MAEA: variants seen among roughly 807,000 people sequenced by gnomAD.
The protein encoded by MAEA is macrophage erythroblast attacher, E3 ubiquitin ligase.
Under a neutral mutation model 46.2 loss-of-function variants are expected in MAEA, and 22 were observed. The ratio of observed to expected loss-of-function variants is 0.48; its 90% CI spans 0.34 to 0.68. MAEA has a LOEUF of 0.68. MAEA is among the 30% of genes least tolerant of loss of function. MAEA has a pLI of 0.01. For synonymous variants in MAEA, 246 were observed against 222.6 expected (o/e 1.11, Z -0.94); for missense variants, 393 against 558.1 (o/e 0.70, Z 2.98).
chr4:1,314,686 G>A (rs893457433), intron 2 of MAEA, among the ~76,000 whole-genome samples: 12 of 152,186 alleles, frequency 7.9e-5, no homozygotes, highest in South Asian at 2.1e-4. Context: ...GGATTTTCCC[G>A]TGGTGGAACT....
chr4:1,338,701 CAGGCTG>C, intron 8 of MAEA, 84 bp downstream of exon 8: 1 of 1,327,364 alleles, frequency 7.5e-7, no homozygotes, highest in Non-Finnish European at 1.0e-6. Flanking sequence ...GCAGGGGGGC[CAGGCTG>C]GCACGCATCG....
chr4:1,326,199 C>T (rs376449659), intron 4 of MAEA, among the ~76,000 whole-genome samples: 1 of 152,172 alleles, frequency 6.6e-6, no homozygotes, highest in African/African-American at 2.4e-5. Flanking sequence ...CTCTGGGAAG[C>T]GGAAGTGATG....
intron 1 of MAEA, among the ~76,000 whole-genome samples, chr4:1,294,410 A>ATT (rs147695654): frequency 0.065 from 9,845 of 152,020 alleles, 1,019 homozygotes; most frequent in African/African-American, 0.22. Context: ...TTTAAGTATT[A>ATT]TTTTTTTAAC....
Position 1,338,462 on chromosome 4 carries a change from T to G in MAEA, c.940T>G (p.Cys314Gly). The G allele has an allele frequency of 6.2e-7, 1 of 1,613,116 alleles. No individual in the cohort carries two copies. Among genetic ancestry groups the G allele is most frequent in the Non-Finnish European group, 8.5e-7 (1 of 1,179,966 alleles). Residue 314 changes from cysteine to glycine, a missense_variant, in exon 8 of 9, where the codon TGC (cysteine) becomes GGC (glycine). By Grantham distance (159) the Cys-to-Gly change is radical. Transcript: ENST00000303400. ...GGACGGCAGCTCCAAGAGCCCTGACTGCCCTGTGTGCAGCCGCTCCCTGAA... is the reference window on the plus strand; with the variant it reads ...GGACGGCAGCTCCAAGAGCCCTGACGGCCCTGTGTGCAGCCGCTCCCTGAA... The part of the protein sequence containing the change: ...KEDGSSKSPD[C>G]PVCSRSLNKL...
chr4:1,313,562 C>G (rs1295587069), intron 2 of MAEA, among the ~76,000 whole-genome samples: 2 of 152,012 alleles, frequency 1.3e-5, no homozygotes, highest in African/African-American at 4.8e-5. Context: ...CCCATCTCCA[C>G]AAAACATTAA....
In MAEA at chr4:1,315,583, C is replaced by T. The variant is rs550232745; in HGVS notation, c.439C>T (p.Arg147Cys). 71 of 1,613,146 alleles carry T rather than the reference C, an allele frequency of 4.4e-5. No homozygotes were observed. The highest frequency in any genetic ancestry group is 2.0e-4 in the East Asian group (9 of 44,868). Residue 147 changes from arginine (R) to cysteine (C), a missense_variant, in exon 3 of 9, where the codon CGC becomes TGC. Transcript: ENST00000303400. ...GYYNTAVKLA[R>C]QSGIEDLVNI... Reference sequence around the variant, plus strand: ...CTACAACACGGCTGTCAAGCTGGCGCGCCAGAGCGGCATCGAGGTGGGTGC... The same window carrying T: ...CTACAACACGGCTGTCAAGCTGGCGTGCCAGAGCGGCATCGAGGTGGGTGC...
chr4:1,315,119 A>G (rs1421129842), intron 2 of MAEA, among the ~76,000 whole-genome samples: 1 of 152,246 alleles, frequency 6.6e-6, no homozygotes, highest in Admixed American at 6.5e-5. Flanking sequence ...TTGAAATTGT[A>G]TGCATCTGGC....
At chr4:1,310,099 GC>G in intron 1 of MAEA, 1 of 854,616 alleles carries the variant, frequency 1.2e-6, no homozygotes, top group Non-Finnish European at 1.4e-6. Flanking sequence ...CTTGTGAGGC[GC>G]CTGCACAGGC....
chr4:1,319,161 G>C (rs1737689176), intron 3 of MAEA, among the ~76,000 whole-genome samples: 1 of 152,182 alleles, frequency 6.6e-6, no homozygotes, highest in Non-Finnish European at 1.5e-5. Flanking sequence ...AGACCAGCCT[G>C]GGCAGCAAAG....
At chr4:1,317,347 T>TGCAGGCCCCACACTCCAGACTCACCC (rs1560358293) in intron 3 of MAEA, among the ~76,000 whole-genome samples, 4 of 117,226 alleles carry the variant, frequency 3.4e-5, no homozygotes, top group Non-Finnish European at 6.9e-5. Flanking sequence ...TGGACTCATC[T>TGCAGGCCCCACACTCCAGACTCACCC]GCAGGCCCCA....
chr4:1,297,845 C>G (rs1459738764), intron 1 of MAEA: 1 of 381,202 alleles, frequency 2.6e-6, no homozygotes, highest in African/African-American at 2.1e-5. Context: ...GGTCTCATGG[C>G]CTGTGCTCTC....
chr4:1,322,645 T>C (rs1738276351), intron 4 of MAEA, 142 bp downstream of exon 4: 1 of 1,091,610 alleles, frequency 9.2e-7, no homozygotes, highest in African/African-American at 1.6e-5. Context: ...GGGAGTTTTT[T>C]TGGTGGCTGT....
intron 6 of MAEA, among the ~76,000 whole-genome samples, 177 bp from the exon 7 acceptor site, chr4:1,336,684 G>C (rs1045639396): frequency 5.9e-5 from 9 of 152,256 alleles, no homozygotes; most frequent in African/African-American, 2.2e-4. Context: ...CCCACTGTGT[G>C]TATCAGTCAA....
chr4:1,334,629 G>A (rs748029258), intron 6 of MAEA, among the ~76,000 whole-genome samples: 13 of 152,264 alleles, frequency 8.5e-5, no homozygotes, highest in Non-Finnish European at 1.6e-4. Context: ...CCTGCAGTGT[G>A]GTAAAGAGGG....
At chr4:1,299,951 A>G (rs1735153037) in intron 1 of MAEA, 3 of 152,224 alleles carry the variant, frequency 2.0e-5, no homozygotes, top group Admixed American at 2.0e-4. Context: ...GAAGAAATAA[A>G]TTCTCCAATT....
intron 1 of MAEA, among the ~76,000 whole-genome samples, chr4:1,307,227 C>T (rs1345819218): frequency 2.0e-5 from 3 of 152,304 alleles, no homozygotes; most frequent in African/African-American, 7.2e-5. Context: ...GACACCGTTC[C>T]GTAAGCACAC....
intron 8 of MAEA, 58 bp downstream of exon 8, chr4:1,338,675 G>T: frequency 6.7e-7 from 1 of 1,502,012 alleles, no homozygotes; most frequent in East Asian, 2.5e-5. Context: ...GGACAGGGCT[G>T]TGTGGGACGG....
chr4:1,338,157 G>A, intron 7 of MAEA: 1 of 436,632 alleles, frequency 2.3e-6, no homozygotes, highest in South Asian at 4.1e-5. Flanking sequence ...AGGGCGGCGG[G>A]CGACGGAGCC....
At chr4:1,331,989 T>A (rs1711891270) in intron 5 of MAEA, 1 of 152,768 alleles carries the variant, frequency 6.5e-6, no homozygotes, top group Non-Finnish European at 1.5e-5. Flanking sequence ...CTGGGCCGGA[T>A]CTGCAGGGAG....
Sources: allele counts gnomAD v4.1 joint callset (sites outside exome capture counted in the v4.1 genomes callset), GRCh38; gene constraint gnomAD v4.1.1; transcripts MANE v1.5; gene names NCBI Gene and HGNC (gene_info 2026-07-23, HGNC 2026-07-21).